RPS6KA2: variants seen among roughly 807,000 people sequenced by gnomAD.
RPS6KA2 encodes the protein ribosomal protein S6 kinase alpha-2.
In RPS6KA2, 42 loss-of-function variants were observed where a neutral mutation model predicts 91.8. The ratio of observed to expected loss-of-function variants is 0.46; its 90% CI spans 0.36 to 0.59. The LOEUF (loss-of-function observed/expected upper bound fraction) is 0.59, where lower values mean the gene tolerates loss of function less well. Among genes scored for constraint, RPS6KA2 ranks in the 20% least tolerant of loss-of-function variants. The pLI, the probability that RPS6KA2 is intolerant of heterozygous loss-of-function variation, is 0.00. For missense variants in RPS6KA2, 798 were observed against 978.5 expected, an observed-to-expected ratio of 0.82 and a Z score of 2.46; for synonymous variants, 414 against 393.6, an observed-to-expected ratio of 1.05 and a Z score of -0.61.
chr6:166,617,097 G>A (rs913697403), intron 1 of RPS6KA2, among the ~76,000 whole-genome samples: 1 of 152,222 alleles, frequency 6.6e-6, no homozygotes, highest in African/African-American at 2.4e-5. Context: ...AATGTGCAGA[G>A]GGAAGTCATT....
intron 2 of RPS6KA2, among the ~76,000 whole-genome samples, chr6:166,697,049 GTA>G (rs1007520900): frequency 1.3e-4 from 18 of 140,098 alleles, no homozygotes; most frequent in Admixed American, 4.2e-4. Context: ...ATCTGTGTGT[GTA>G]TATATATGTG....
At chr6:166,681,315 G>A (rs952068960) in intron 2 of RPS6KA2, among the ~76,000 whole-genome samples, 2 of 152,200 alleles carry the variant, frequency 1.3e-5, no homozygotes, top group East Asian at 1.9e-4. Context: ...TGATACAAAT[G>A]ATGCTTATTT....
At chr6:166,847,445 T>C (rs758843103) in intron 2 of RPS6KA2, among the ~76,000 whole-genome samples, 4 of 152,100 alleles carry the variant, frequency 2.6e-5, no homozygotes, top group African/African-American at 4.8e-5. Flanking sequence ...AGAGCCCACA[T>C]AGCCAAAGCA....
chr6:166,761,451 T>C (rs966494025), intron 2 of RPS6KA2, among the ~76,000 whole-genome samples: 1 of 152,224 alleles, frequency 6.6e-6, no homozygotes, highest in African/African-American at 2.4e-5. Flanking sequence ...GGCTAATTGG[T>C]GAAAAGCAGC....
At position 166,732,969 on chromosome 6, in the gene RPS6KA2, G is replaced by A. The variant is rs1023187653; in HGVS notation, c.123+125231C>T. Among the ~76,000 whole-genome samples the A allele has an allele frequency of 1.3e-5, 2 of 152,186 alleles. No homozygotes were observed. The highest frequency in any genetic ancestry group is 1.3e-4 in the Admixed American group (2 of 15,280). ...GGAAATGAGGAACCGGAGCGGCTGG[G>A]GTGCAGGGTGGGAGGCAGGGGTGCA... On this transcript the variant is annotated intron_variant, in intron 2 of 21. Transcript: ENST00000503859. The surrounding 1 kb of genome is among the most constrained non-coding windows in gnomAD (Gnocchi z 4.0).
chr6:166,443,378 G>A (rs923859039), intron 14 of RPS6KA2, among the ~76,000 whole-genome samples: 10 of 152,112 alleles, frequency 6.6e-5, no homozygotes, highest in East Asian at 3.8e-4. Flanking sequence ...CACTCACAGC[G>A]TCCCTAGTGG....
Position 166,849,670 on chromosome 6 carries a change from C to T in RPS6KA2, c.123+8530G>A, listed in dbSNP as rs1348832465. On this transcript the variant is annotated intron_variant, in intron 2 of 21. Transcript: ENST00000503859. The surrounding 1 kb of genome is among the most constrained non-coding windows in gnomAD (Gnocchi z 4.9). The stretch of plus-strand genomic sequence containing the variant: ...AGATAGGCATTTATTGGGCTAAATC[C>T]TCACGTAGAATGAGCTTTCCCAACA... 1.3e-5 allele frequency among the ~76,000 whole-genome samples: 2 copies of T among 152,172 alleles called. No individual in the cohort carries two copies. Among genetic ancestry groups the T allele is most frequent in the Non-Finnish European group, 2.9e-5 (2 of 68,038 alleles).
chr6:166,748,558 A>T (rs534332785), intron 2 of RPS6KA2, among the ~76,000 whole-genome samples: 3,438 of 33,032 alleles, frequency 0.1, 81 homozygotes, highest in East Asian at 0.17. Flanking sequence ...TTGGGCCCCC[A>T]CCTCCTCAGG....
At chr6:166,621,217 A>G (rs968500021) in intron 1 of RPS6KA2, among the ~76,000 whole-genome samples, 3 of 152,224 alleles carry the variant, frequency 2.0e-5, no homozygotes, top group Non-Finnish European at 4.4e-5. Context: ...CAACAGGTAC[A>G]CATCTTGGCT....
At chr6:166,507,394 C>A (rs1478962217) in intron 5 of RPS6KA2, among the ~76,000 whole-genome samples, 10 of 124,254 alleles carry the variant, frequency 8.0e-5, no homozygotes, top group African/African-American at 2.6e-4. Context: ...ACACACCCAC[C>A]CCACATCACA....
chr6:166,632,422 G>A (rs1373022365), intron 2 of RPS6KA2, among the ~76,000 whole-genome samples: 1 of 152,092 alleles, frequency 6.6e-6, no homozygotes, highest in Non-Finnish European at 1.5e-5. Flanking sequence ...AGACCAGCCT[G>A]ACCAACATGG....
intron 2 of RPS6KA2, among the ~76,000 whole-genome samples, chr6:166,830,850 A>C (rs1267560904): frequency 6.6e-6 from 1 of 152,052 alleles, no homozygotes; most frequent in Non-Finnish European, 1.5e-5. Context: ...GTTGATTTTT[A>C]AGGCCTTTTC....
In RPS6KA2 at chr6:166,602,547, C is replaced by T. The variant is rs779230292; in HGVS notation, c.99+24374G>A. ...CGCAGAAGCAAACATAGGAACCAAG[C>T]GCTACCCATCAGCATGGATACAGCT... On this transcript the variant is annotated intron_variant, in intron 1 of 20. Coordinates refer to ENST00000265678, the MANE Select transcript of RPS6KA2 (RefSeq NM_021135.6). 3.9e-5 allele frequency among the ~76,000 whole-genome samples: 6 copies of T among 152,176 alleles called. No individual in the cohort carries two copies. In the East Asian group the frequency reaches 5.8e-4, roughly 15 times the overall value.
At position 166,626,431 on chromosome 6, in the gene RPS6KA2, G is replaced by A. The variant is rs1270855377; in HGVS notation, c.99+490C>T. Reference sequence around the variant, plus strand: ...TTCCCCGTTCTGTGAATTCTACACTGACTTCAAGTGCACGAATGAGCTACA... The same window carrying A: ...TTCCCCGTTCTGTGAATTCTACACTAACTTCAAGTGCACGAATGAGCTACA... On this transcript the variant is annotated intron_variant, in intron 1 of 20. Coordinates refer to ENST00000265678, the MANE Select transcript of RPS6KA2 (RefSeq NM_021135.6). The surrounding 1 kb of genome is among the most constrained non-coding windows in gnomAD (Gnocchi z 4.1). Among the ~76,000 whole-genome samples, 1 of 152,246 alleles carries A rather than the reference G, an allele frequency of 6.6e-6. No individual in the cohort carries two copies. Among genetic ancestry groups the A allele is most frequent in the Non-Finnish European group, 1.5e-5 (1 of 68,034 alleles).
rs1297761548 is a variant in RPS6KA2, at chr6:166,495,926, C to T, written c.747+2582G>A. Among the ~76,000 whole-genome samples the T allele has an allele frequency of 3.9e-5, 6 of 152,202 alleles. No individual in the cohort carries two copies. Among genetic ancestry groups the T allele is most frequent in the Non-Finnish European group, 7.3e-5 (5 of 68,036 alleles). On this transcript the variant is annotated intron_variant, in intron 8 of 20. Transcript: ENST00000265678. This position sits in a 1 kb window ranked among gnomAD's most constrained non-coding sequence, Gnocchi z 4.4. ...GTTTGCTGGAGCAAGGCGAGCCCGA[C>T]GTGGTCTCATTTCCTCTTCTTCTGG... is the stretch of plus-strand genomic sequence containing the variant.
chr6:166,717,753 C>A (rs888446659), intron 2 of RPS6KA2, among the ~76,000 whole-genome samples: 2 of 152,178 alleles, frequency 1.3e-5, no homozygotes, highest in African/African-American at 4.8e-5. Flanking sequence ...ACCAGGGGTG[C>A]CTCTCACAAT....
intron 2 of RPS6KA2, among the ~76,000 whole-genome samples, chr6:166,716,486 A>G (rs560732154): frequency 6.6e-6 from 1 of 152,310 alleles, no homozygotes; most frequent in South Asian, 2.1e-4. Flanking sequence ...ATGACATTGA[A>G]TGAAACGACG....
At chr6:166,476,655 C>T (rs1741220995) in intron 10 of RPS6KA2, among the ~76,000 whole-genome samples, 1 of 151,996 alleles carries the variant, frequency 6.6e-6, no homozygotes, top group Admixed American at 6.6e-5. Flanking sequence ...GAGAGGGTCC[C>T]CTCTCTCCCT....
At chr6:166,843,502 C>T (rs1780536952) in intron 2 of RPS6KA2, among the ~76,000 whole-genome samples, 1 of 152,180 alleles carries the variant, frequency 6.6e-6, no homozygotes, top group Non-Finnish European at 1.5e-5. Context: ...CAACCAAGGA[C>T]CCTCATAGAG....
Sources: allele counts gnomAD v4.1 joint callset (sites outside exome capture counted in the v4.1 genomes callset), GRCh38; gene constraint gnomAD v4.1.1; non-coding constraint Gnocchi (gnomAD v3.1); transcripts MANE v1.5; gene names NCBI Gene and HGNC (gene_info 2026-07-23, HGNC 2026-07-21).